The following MEPCE variants were observed in gnomAD, a reference collection of about 807,000 sequenced individuals.
The protein encoded by MEPCE is methylphosphate capping enzyme, also known as 7SK snRNA methylphosphate capping enzyme.
In MEPCE, 9 loss-of-function variants were observed where a neutral mutation model predicts 52.3. The observed-to-expected ratio is 0.17, with a 90% CI of 0.10 to 0.30. MEPCE has a LOEUF of 0.30. MEPCE is among the 10% of genes least tolerant of loss of function. The pLI is 1.00. For missense variants in MEPCE, 826 were observed against 933.0 expected, an observed-to-expected ratio of 0.89 and a Z score of 1.49; for synonymous variants, 477 against 401.6, an observed-to-expected ratio of 1.19 and a Z score of -2.25.
rs1798764641 is a variant in MEPCE, at chr7:100,432,984, C to G, written c.1737C>G (p.Leu579=). 1 of 1,614,014 alleles carries G rather than the reference C, an allele frequency of 6.2e-7. No homozygotes were observed. The highest frequency in any genetic ancestry group is 1.1e-5 in the South Asian group (1 of 91,088). Residue 579 remains leucine, a synonymous_variant, in exon 2 of 4, where the codon CTC becomes CTG. Coordinates refer to ENST00000310512, the MANE Select transcript of MEPCE (RefSeq NM_019606.6). ...EAQTPEYDVV[L]CLSLTKWVHL... is the part of the protein sequence containing the mutation. ...AAACACCTGAGTATGATGTGGTGCTCTGCCTCAGCCTCACCAAGTGGGTGC... is the reference window on the plus strand; with the variant it reads ...AAACACCTGAGTATGATGTGGTGCTGTGCCTCAGCCTCACCAAGTGGGTGC...
In MEPCE at chr7:100,431,321, C is replaced by T. The variant is rs1584324447; in HGVS notation, c.1303C>T (p.Arg435Trp). 1.9e-6 allele frequency: 3 copies of T among 1,614,168 alleles called. No homozygotes were observed. The highest frequency in any genetic ancestry group is 1.1e-5 in the South Asian group (1 of 91,082). ...TCCTTCCTGTGAGGATGGGCGCCTT[C>T]GGGTGTTGAAGCCTGAGTGGTTTCG... ...RNPSCEDGRL[R>W]VLKPEWFRGR... The change falls in exon 1 of 4, where the codon CGG (arginine) becomes TGG (tryptophan). Residue 435 changes from arginine to tryptophan, a missense_variant. Arg to Trp is a moderately radical substitution (Grantham distance 101, BLOSUM62 -3). This residue lies in a region of MEPCE where 9 missense variants were observed against 37.6 expected (regional missense o/e 0.24). Coordinates refer to ENST00000310512, the MANE Select transcript of MEPCE (RefSeq NM_019606.6).
intron 3 of MEPCE, 45 bp downstream of exon 3, chr7:100,433,434 G>A: frequency 1.2e-6 from 2 of 1,614,102 alleles, no homozygotes; most frequent in Non-Finnish European, 1.7e-6. Flanking sequence ...CTGGCTGAAA[G>A]AGTGCAGACC....
chr7:100,430,503 T>G lies in MEPCE; in HGVS notation c.485T>G (p.Phe162Cys). ...SCNVGGGGGGFKHPAFKRRRR... is the reference protein window; with the variant it reads ...SCNVGGGGGGCKHPAFKRRRR... ...AATGTAGGGGGAGGCGGGGGAGGCT[T>G]CAAACATCCGGCCTTCAAGAGGCGC... Residue 162 changes from phenylalanine to cysteine, a missense_variant, in exon 1 of 4, where the codon TTC (phenylalanine) becomes TGC (cysteine). Physicochemically the swap from Phe to Cys is radical, Grantham distance 205. This residue lies in a region of MEPCE where 314 missense variants were observed against 277.7 expected (regional missense o/e 1.13). Transcript: ENST00000310512. 1 of 1,578,448 alleles carries G rather than the reference T, an allele frequency of 6.3e-7. No individual in the cohort carries two copies.
At position 100,430,997 on chromosome 7, in the gene MEPCE, G is replaced by A. The variant is rs147198491; in HGVS notation, c.979G>A (p.Glu327Lys). The change falls in exon 1 of 4, where the codon GAA becomes AAA. Residue 327 changes from glutamate (E) to lysine (K), a missense_variant. By Grantham distance (56) the Glu-to-Lys change is moderately conservative (BLOSUM62 1). This residue lies in a region of MEPCE where 307 missense variants were observed against 292.1 expected (regional missense o/e 1.05). Transcript: ENST00000310512. ...CAACACAGCCATCAACTGCAGGGATGAAGTGGTGTCTCCCCTTCCATCTGC... is the reference window on the plus strand; with the variant it reads ...CAACACAGCCATCAACTGCAGGGATAAAGTGGTGTCTCCCCTTCCATCTGC... Reference protein sequence around the residue: ...ELNTAINCRDEVVSPLPSALQ... With the variant: ...ELNTAINCRDKVVSPLPSALQ... 6 of 1,613,392 alleles carry A rather than the reference G, an allele frequency of 3.7e-6. No homozygotes were observed. Among genetic ancestry groups the A allele is most frequent in the Non-Finnish European group, 5.1e-6 (6 of 1,179,746 alleles).
rs775606274 is a variant in MEPCE, at chr7:100,430,868, G to A, written c.850G>A (p.Val284Met). ...AGCCGGAGGGAGTGAGAGTCACCCCGTGCCGCCCACAGCCCCTCTCACCCC... is the reference window on the plus strand; with the variant it reads ...AGCCGGAGGGAGTGAGAGTCACCCCATGCCGCCCACAGCCCCTCTCACCCC... ...QAAGGSESHPVPPTAPLTPLL... is the reference protein window; with the variant it reads ...QAAGGSESHPMPPTAPLTPLL... Residue 284 changes from valine to methionine, a missense_variant, in exon 1 of 4, where the codon GTG (valine) becomes ATG (methionine). By Grantham distance (21) the Val-to-Met change is conservative. Coordinates refer to ENST00000310512, the MANE Select transcript of MEPCE (RefSeq NM_019606.6). 5.0e-6 allele frequency: 8 copies of A among 1,608,944 alleles called. No individual in the cohort carries two copies. The highest frequency in any genetic ancestry group is 6.8e-6 in the Non-Finnish European group (8 of 1,176,816).
rs1211542152 is a variant in MEPCE at position 100,432,841 on chromosome 7, C to T, written c.1672-78C>T. On this transcript the variant is annotated intron_variant, in intron 1 of 3. Transcript: ENST00000310512. Reference sequence around the variant, plus strand: ...CTAAAGTGAGGCCGCGGGACTGTATCGGCCTCAGAGCAGGTTGCCTGGGAG... The same window carrying T: ...CTAAAGTGAGGCCGCGGGACTGTATTGGCCTCAGAGCAGGTTGCCTGGGAG... 124 of 1,307,472 alleles carry T rather than the reference C, an allele frequency of 9.5e-5. No individual in the cohort carries two copies. In the East Asian group the frequency reaches 2.4e-3, roughly 26 times the overall value. 81.0% of individuals were successfully genotyped at this position (1,307,472 alleles called of 1,614,324 possible). A position where few individuals can be genotyped will look rare whatever the true frequency, so the allele number is the denominator to read the frequency against.
In MEPCE at chr7:100,431,100, G is replaced by A; in HGVS notation, c.1082G>A (p.Arg361Gln). 1 of 1,613,682 alleles carries A rather than the reference G, an allele frequency of 6.2e-7. No individual in the cohort carries two copies. Among genetic ancestry groups the A allele is most frequent in the Non-Finnish European group, 8.5e-7 (1 of 1,180,010 alleles). Residue 361 changes from arginine to glutamine, a missense_variant, in exon 1 of 4, where the codon CGA becomes CAA. Physicochemically the swap from Arg to Gln is conservative, Grantham distance 43. Around this residue, in one of 7 missense-constraint regions of MEPCE, gnomAD observed 307 missense variants for 292.1 expected, o/e 1.05. Transcript: ENST00000310512. ...TCTGCACCCCCATCTTCCTCCTCCC[G>A]ACATCGCAAACGTCGCAGGACTTCC... ...VISAPPSSSSRHRKRRRTSSK... is the reference protein window; with the variant it reads ...VISAPPSSSSQHRKRRRTSSK...
chr7:100,433,427 G>T, intron 3 of MEPCE, 38 bp downstream of exon 3: 1 of 1,614,098 alleles, frequency 6.2e-7, no homozygotes, highest in Admixed American at 1.7e-5. Context: ...GCTGGTCCTG[G>T]CTGAAAGAGT....
At position 100,431,237 on chromosome 7, in the gene MEPCE, A is replaced by G; in HGVS notation, c.1219A>G (p.Lys407Glu). 6.2e-7 allele frequency: 1 copy of G among 1,614,096 alleles called. No homozygotes were observed. Among genetic ancestry groups the G allele is most frequent in the Non-Finnish European group, 8.5e-7 (1 of 1,180,018 alleles). Residue 407 changes from lysine (K) to glutamate (E), a missense_variant, in exon 1 of 4, where the codon AAA becomes GAA. Transcript: ENST00000310512. ...CCACCCACTGCCTGCAGCAGGCTTC[A>G]AAAAGCAACAGCGCAAGTTCCAGTA... ...HHHPLPAAGF[K>E]KQQRKFQYGN... is the part of the protein sequence containing the mutation.
Position 100,431,021 on chromosome 7 carries a change from G to A in MEPCE, c.1003G>A (p.Ala335Thr), listed in dbSNP as rs1472242436. ...TGAAGTGGTGTCTCCCCTTCCATCT[G>A]CTCTGCAGGGTCCCTCAGGCTCCCT... The part of the protein sequence containing the change: ...RDEVVSPLPS[A>T]LQGPSGSLSA... The change falls in exon 1 of 4, where the codon GCT (alanine) becomes ACT (threonine). Residue 335 changes from alanine to threonine, a missense_variant. By Grantham distance (58) the Ala-to-Thr change is moderately conservative (BLOSUM62 0). Around this residue, in one of 7 missense-constraint regions of MEPCE, gnomAD observed 307 missense variants for 292.1 expected, o/e 1.05. Coordinates refer to ENST00000310512, the MANE Select transcript of MEPCE (RefSeq NM_019606.6). The A allele has an allele frequency of 6.2e-7, 1 of 1,613,892 alleles. No individual in the cohort carries two copies. The highest frequency in any genetic ancestry group is 8.5e-7 in the Non-Finnish European group (1 of 1,180,018).
At position 100,431,097 on chromosome 7, in the gene MEPCE, C is replaced by G; in HGVS notation, c.1079C>G (p.Ser360Cys). ...SVISAPPSSS[S>C]RHRKRRRTSS... ...ATCTCTGCACCCCCATCTTCCTCCT[C>G]CCGACATCGCAAACGTCGCAGGACT... The change falls in exon 1 of 4, where the codon TCC (serine) becomes TGC (cysteine). Residue 360 changes from serine to cysteine, a missense_variant. Transcript: ENST00000310512. 2 of 1,613,822 alleles carry G rather than the reference C, an allele frequency of 1.2e-6. No individual in the cohort carries two copies. The highest frequency in any genetic ancestry group is 8.5e-7 in the Non-Finnish European group (1 of 1,180,028).
rs899386476 is a variant in MEPCE, at chr7:100,430,403, C to T, written c.385C>T (p.Pro129Ser). 5.2e-6 allele frequency: 8 copies of T among 1,529,948 alleles called. No individual in the cohort carries two copies. Among genetic ancestry groups the T allele is most frequent in the Non-Finnish European group, 7.0e-6 (8 of 1,140,956 alleles). The allele number at this position is 1,529,948 out of a possible 1,614,324, so 94.8% of individuals were successfully genotyped here. The change falls in exon 1 of 4, where the codon CCT becomes TCT. Residue 129 changes from proline (P) to serine (S), a missense_variant. Pro to Ser is a moderately conservative substitution (Grantham distance 74). Transcript: ENST00000310512. ...GGGTELGPPA[P>S]PRPRNGYQPH... is the part of the protein sequence containing the mutation. ...CGGGACAGAGCTGGGTCCCCCTGCTCCTCCTCGACCCCGCAATGGCTATCA... is the reference window on the plus strand; with the variant it reads ...CGGGACAGAGCTGGGTCCCCCTGCTTCTCCTCGACCCCGCAATGGCTATCA...
upstream of MEPCE, chr7:100,429,389 A>G (rs1798398929): frequency 6.6e-6 from 1 of 152,226 alleles, no homozygotes; most frequent in African/African-American, 2.4e-5. Flanking sequence ...AGGGGGGAGG[A>G]AGGAGGCGGG....
rs1207172732 is a variant in MEPCE, at chr7:100,429,860, G to T, written c.-159G>T. ...TGTTTTGGTCTCGCGGGCTAGTAGG[G>T]CGCACTTGGCGGGGAGGCGCTTGGG... On this transcript the variant is annotated 5_prime_UTR_variant, in exon 1 of 4. Coordinates refer to ENST00000310512, the MANE Select transcript of MEPCE (RefSeq NM_019606.6). 2 of 538,368 alleles carry T rather than the reference G, an allele frequency of 3.7e-6. No individual in the cohort carries two copies. The highest frequency in any genetic ancestry group is 5.6e-6 in the Non-Finnish European group (2 of 354,848). The allele number at this position is 538,368 out of a possible 1,614,324, so 33.3% of individuals were successfully genotyped here.
At position 100,429,974 on chromosome 7, in the gene MEPCE, CT is replaced by C. The variant is rs1240055094; in HGVS notation, c.-44del. On this transcript the variant is annotated 5_prime_UTR_variant, in exon 1 of 4. Coordinates refer to ENST00000310512, the MANE Select transcript of MEPCE (RefSeq NM_019606.6). ...GTCCAGGCAGGGGGGGTTAGGCCCC[CT>C]GATCCCCCTCGTTACCCCGACTGGC... 22 of 1,230,984 alleles carry C rather than the reference CT, an allele frequency of 1.8e-5. No individual in the cohort carries two copies. Among genetic ancestry groups the C allele is most frequent in the Admixed American group, 4.2e-5 (1 of 23,756 alleles). The allele number at this position is 1,230,984 out of a possible 1,614,324, so 76.3% of individuals were successfully genotyped here.
intron 1 of MEPCE, 109 bp downstream of exon 1, chr7:100,431,798 TTGGCA>T: frequency 3.6e-6 from 4 of 1,117,162 alleles, no homozygotes; most frequent in Non-Finnish European, 5.0e-6. Flanking sequence ...GGGGTCTGGG[TTGGCA>T]AGTGAGAGCC....
At chr7:100,429,109 G>A (rs1223380291), upstream of MEPCE, 1 of 152,244 alleles carries the variant, frequency 6.6e-6, no homozygotes, top group Non-Finnish European at 1.5e-5. Flanking sequence ...GGCTTTGTAG[G>A]GTCTCCCCTC....
rs765110996 is a variant in MEPCE, at chr7:100,431,523, T to G, written c.1505T>G (p.Leu502Trp). The change falls in exon 1 of 4, where the codon TTG becomes TGG. Residue 502 changes from leucine to tryptophan, a missense_variant. Physicochemically the swap from Leu to Trp is moderately conservative, Grantham distance 61. Coordinates refer to ENST00000310512, the MANE Select transcript of MEPCE (RefSeq NM_019606.6). ...GAGCTGCGTCTCCCACCCCAGACTT[T>G]GGAAGGGGACCCGGGGGCAGAGGGT... Reference protein sequence around the residue: ...SEELRLPPQTLEGDPGAEGEE... With the variant: ...SEELRLPPQTWEGDPGAEGEE... 15 of 1,613,158 alleles carry G rather than the reference T, an allele frequency of 9.3e-6. No individual in the cohort carries two copies. The South Asian group carries it at 1.6e-4, about 18-fold the overall frequency.
chr7:100,429,861 CGCACTTGGCGGGGAG>C lies in MEPCE; in HGVS notation c.-155_-141del, dbSNP rs1212569310. ...GTTTTGGTCTCGCGGGCTAGTAGGG[CGCACTTGGCGGGGAG>C]GCGCTTGGGCGCGAGACTAGGCGTG... is the stretch of plus-strand genomic sequence containing the variant. On this transcript the variant is annotated 5_prime_UTR_variant, in exon 1 of 4. Transcript: ENST00000310512. 1.3e-5 allele frequency: 7 copies of C among 541,550 alleles called. No homozygotes were observed. Among genetic ancestry groups the C allele is most frequent in the African/African-American group, 7.9e-5 (4 of 50,920 alleles). The allele number at this position is 541,550 out of a possible 1,614,324, so 33.5% of individuals were successfully genotyped here.
Sources: gnomAD v4.1 joint callset for allele counts on GRCh38, gnomAD v4.1.1 for gene constraint, gnomAD v4.1.1 regional missense constraint, MANE v1.5 for transcripts, NCBI Gene and HGNC (gene_info 2026-07-23, HGNC 2026-07-21) for gene names.